Variants in CASP4 observed in about 807,000 individuals in gnomAD.
CASP4 encodes the protein caspase 4.
In CASP4, 29 loss-of-function variants were observed where a neutral mutation model predicts 41.3. The ratio of observed to expected loss-of-function variants is 0.70; its 90% CI spans 0.52 to 0.96. The LOEUF is 0.96. Among genes scored for constraint, CASP4 ranks in the 40% least tolerant of loss-of-function variants. The pLI is 0.00. For synonymous variants in CASP4, 185 were observed against 158.4 expected, an observed-to-expected ratio of 1.17 and a Z score of -1.26; for missense variants, 447 against 460.6, an observed-to-expected ratio of 0.97 and a Z score of 0.27.
Position 104,948,583 on chromosome 11 carries a change from T to C in CASP4, c.875A>G (p.Tyr292Cys). ...SSENLEEDAV[Y>C]KTHVEKDFIA... ...GAAGTCCTTCTCCACGTGGGTCTTG[T>C]AAACAGCATCTTCCTCTAGGTTCTC... The change falls in exon 6 of 9, where the codon TAC becomes TGC. Residue 292 changes from tyrosine to cysteine, a missense_variant. Tyr to Cys is a radical substitution (Grantham distance 194). Coordinates refer to ENST00000444739, the MANE Select transcript of CASP4 (RefSeq NM_001225.4). 6.2e-7 allele frequency: 1 copy of C among 1,611,562 alleles called. No homozygotes were observed. Among genetic ancestry groups the C allele is most frequent in the Non-Finnish European group, 8.5e-7 (1 of 1,178,514 alleles).
chr11:104,956,805 C>G (rs1380451924), intron 1 of CASP4: 3 of 164,812 alleles, frequency 1.8e-5, no homozygotes, highest in African/African-American at 7.2e-5. Context: ...TCCAAACTAC[C>G]TGAGTTCTGG....
chr11:104,949,694 A>G lies in CASP4; in HGVS notation c.630T>C (p.His210=). ...TTCCGCAGATTCCCTCCAGGATGCC[A>G]TGAGACATGAGTACCAAGAATGTGC... ...SDSTFLVLMS[H]GILEGICGTV... The change falls in exon 5 of 9, where the codon CAT becomes CAC. Residue 210 remains histidine (H), a synonymous_variant. Coordinates refer to ENST00000444739, the MANE Select transcript of CASP4 (RefSeq NM_001225.4). 1 of 1,613,974 alleles carries G rather than the reference A, an allele frequency of 6.2e-7. No individual in the cohort carries two copies. The highest frequency in any genetic ancestry group is 8.5e-7 in the Non-Finnish European group (1 of 1,179,900).
chr11:104,947,070 A>T lies in CASP4; in HGVS notation c.1035+13T>A. Reference sequence around the variant, plus strand: ...TGAAGAAATAAATGAGTAACTAGAAAAGAGACACTTACCTTCCGAAATACT... The same window carrying T: ...TGAAGAAATAAATGAGTAACTAGAATAGAGACACTTACCTTCCGAAATACT... On this transcript the variant is annotated intron_variant, in intron 7 of 8. Coordinates refer to ENST00000444739, the MANE Select transcript of CASP4 (RefSeq NM_001225.4). 1 of 1,510,874 alleles carries T rather than the reference A, an allele frequency of 6.6e-7. No homozygotes were observed. The highest frequency in any genetic ancestry group is 9.2e-7 in the Non-Finnish European group (1 of 1,088,340). The allele number at this position is 1,510,874 out of a possible 1,614,324, so 93.6% of individuals were successfully genotyped here.
chr11:104,952,432 T>A (rs767323629), intron 2 of CASP4, among the ~76,000 whole-genome samples: 6 of 152,166 alleles, frequency 3.9e-5, no homozygotes, highest in Non-Finnish European at 7.4e-5. Context: ...CAATATTTAA[T>A]TTCTACTATC....
chr11:104,961,888 G>A (rs1420829559), intron 1 of CASP4, among the ~76,000 whole-genome samples: 2 of 152,162 alleles, frequency 1.3e-5, no homozygotes, highest in African/African-American at 4.8e-5. Flanking sequence ...CTGTCTCATG[G>A]TGACTATCTG....
At chr11:104,948,377 A>C (rs777809463) in intron 6 of CASP4, 156 bp downstream of exon 6, 108 of 634,992 alleles carry the variant, frequency 1.7e-4, no homozygotes, top group Non-Finnish European at 2.3e-4. Context: ...TGCTTTAGGA[A>C]TCTGTTCTCA....
Position 104,951,956 on chromosome 11 carries a change from A to G in CASP4, c.312T>C (p.Asp104=), listed in dbSNP as rs770489531. The G allele has an allele frequency of 6.2e-6, 10 of 1,612,850 alleles. No homozygotes were observed. The South Asian group carries it at 1.1e-4, about 18-fold the overall frequency. ...AGPPESGEST[D]ALKLCPHEEF... is the part of the protein sequence containing the mutation. ...CTTCATGAGGACAAAGCTTGAGGGC[A>G]TCTGTAGATTCTCCTGACTCAGGTG... Residue 104 remains aspartate, a synonymous_variant, in exon 3 of 9, where the codon GAT becomes GAC. Transcript: ENST00000444739.
chr11:104,944,582 C>T, intron 8 of CASP4, 166 bp downstream of exon 8: 1 of 545,358 alleles, frequency 1.8e-6, no homozygotes, highest in Admixed American at 3.4e-5. Context: ...TGGAGGAATC[C>T]AAATACATGT....
intron 7 of CASP4, among the ~76,000 whole-genome samples, chr11:104,946,342 T>C (rs950054027): frequency 4.6e-5 from 7 of 152,206 alleles, no homozygotes; most frequent in African/African-American, 1.7e-4. Flanking sequence ...TAATTGAATA[T>C]CTGCTACGTG....
intron 1 of CASP4, chr11:104,956,566 C>T (rs552618067): frequency 1.4e-6 from 1 of 691,416 alleles, no homozygotes; most frequent in Non-Finnish European, 1.8e-6. Context: ...GAATCCAGAG[C>T]CCCCATTCTT....
chr11:104,968,372 C>T, intron 1 of CASP4, 147 bp downstream of exon 1: 1 of 713,044 alleles, frequency 1.4e-6, no homozygotes, highest in Middle Eastern at 2.6e-4. Context: ...CACCAGGTCC[C>T]ATGATTCAAA....
At chr11:104,959,822 T>G (rs1177479943) in intron 1 of CASP4, among the ~76,000 whole-genome samples, 1 of 152,242 alleles carries the variant, frequency 6.6e-6, no homozygotes, top group African/African-American at 2.4e-5. Flanking sequence ...GCATCGATTT[T>G]ATTTGCTAAA....
chr11:104,948,817 G>GAAAC, intron 5 of CASP4, 141 bp from the exon 6 acceptor site: 1 of 448,986 alleles, frequency 2.2e-6, no homozygotes, highest in East Asian at 3.5e-5. Flanking sequence ...CACACAGAGA[G>GAAAC]AGACACACAC....
At chr11:104,954,284 C>T (rs910918570) in intron 2 of CASP4, among the ~76,000 whole-genome samples, 5 of 152,078 alleles carry the variant, frequency 3.3e-5, no homozygotes, top group African/African-American at 7.2e-5. Context: ...GAGAGAGTTC[C>T]GGATGAGAGC....
chr11:104,960,425 T>A (rs918825551), intron 1 of CASP4, among the ~76,000 whole-genome samples: 2 of 152,190 alleles, frequency 1.3e-5, no homozygotes, highest in South Asian at 4.1e-4. Context: ...CTAGGGCACC[T>A]TGTATCTCCT....
At chr11:104,967,142 C>T (rs968704591) in intron 1 of CASP4, among the ~76,000 whole-genome samples, 10 of 152,102 alleles carry the variant, frequency 6.6e-5, no homozygotes, top group African/African-American at 1.4e-4. Context: ...GATACAATTC[C>T]TCAAGAGTTT....
intron 5 of CASP4, 32 bp downstream of exon 5, chr11:104,949,511 A>G (rs1235677464): frequency 1.9e-5 from 31 of 1,605,654 alleles, no homozygotes; most frequent in Non-Finnish European, 2.6e-5. Flanking sequence ...ATACACCTTC[A>G]TAACTGTTAG....
intron 1 of CASP4, among the ~76,000 whole-genome samples, chr11:104,960,645 T>A (rs1860837841): frequency 6.6e-6 from 1 of 152,124 alleles, no homozygotes; most frequent in Non-Finnish European, 1.5e-5. Context: ...AATTTTTGTA[T>A]TTTTAGTAGA....
At chr11:104,950,818 A>ACACACC in intron 4 of CASP4, 107 bp downstream of exon 4, 1 of 983,788 alleles carries the variant, frequency 1.0e-6, no homozygotes, top group Non-Finnish European at 1.5e-6. Context: ...ACACACACAC[A>ACACACC]CACACCCAAA....
Sources: gnomAD v4.1 joint callset for allele counts (sites outside exome capture counted in the v4.1 genomes callset) on GRCh38, gnomAD v4.1.1 for gene constraint, MANE v1.5 for transcripts, NCBI Gene and HGNC (gene_info 2026-07-23, HGNC 2026-07-21) for gene names.